Variants in PHF3 observed in about 807,000 individuals in gnomAD.
PHF3 encodes PHD finger protein 3.
A neutral mutation model predicts 178.4 loss-of-function variants in PHF3; 41 were observed. The observed-to-expected ratio is 0.23, with a 90% CI of 0.18 to 0.30. The LOEUF (loss-of-function observed/expected upper bound fraction) is 0.30, where lower values mean the gene tolerates loss of function less well. Among genes scored for constraint, PHF3 ranks in the 10% least tolerant of loss-of-function variants. PHF3 has a pLI of 1.00. For missense variants in PHF3, 2,346 were observed against 2,398.1 expected (o/e 0.98, Z 0.45); for synonymous variants, 842 against 800.5 (o/e 1.05, Z -0.88).
intron 11 of PHF3, among the ~76,000 whole-genome samples, chr6:63,705,215 A>G (rs1314487821): frequency 1.3e-5 from 2 of 152,234 alleles, no homozygotes; most frequent in Non-Finnish European, 2.9e-5. Context: ...CAGAGAATTA[A>G]GAAACCTGTT....
intron 2 of PHF3, among the ~76,000 whole-genome samples, chr6:63,677,260 G>A (rs1456884434): frequency 6.6e-6 from 1 of 152,164 alleles, no homozygotes; most frequent in East Asian, 1.9e-4. Flanking sequence ...GGATAAGTGA[G>A]TGTGAAGGGA....
At chr6:63,643,611 G>A (rs1764666763) in intron 1 of PHF3, among the ~76,000 whole-genome samples, 1 of 152,102 alleles carries the variant, frequency 6.6e-6, no homozygotes, top group South Asian at 2.1e-4. Flanking sequence ...AATGGTAGCT[G>A]CTTAGTAAAC....
chr6:63,644,286 A>T (rs538091705), intron 1 of PHF3, among the ~76,000 whole-genome samples: 1 of 152,164 alleles, frequency 6.6e-6, no homozygotes, highest in African/African-American at 2.4e-5. Context: ...ATTGGATTCC[A>T]GTATGTTCAG....
At chr6:63,655,848 G>T (rs972924313) in intron 2 of PHF3, among the ~76,000 whole-genome samples, 2 of 151,932 alleles carry the variant, frequency 1.3e-5, no homozygotes, top group African/African-American at 4.8e-5. Flanking sequence ...TTGCTATGTT[G>T]CCCAGGCTGG....
rs533571403 is a variant in PHF3, at chr6:63,717,527, T to G, written c.*3819T>G. Among the ~76,000 whole-genome samples the G allele has an allele frequency of 6.7e-6, 1 of 149,090 alleles. No homozygotes were observed. The stretch of plus-strand genomic sequence containing the variant: ...TTCTTTGATTTCTGTTTCACAATTA[T>G]AGTAATATGTAGAGCAAAAAAGTAG... On this transcript the variant is annotated 3_prime_UTR_variant, in exon 16 of 16. Coordinates refer to ENST00000262043, the MANE Select transcript of PHF3 (RefSeq NM_001370348.2).
chr6:63,681,933 G>A (rs1482114316), intron 3 of PHF3, among the ~76,000 whole-genome samples: 2 of 152,028 alleles, frequency 1.3e-5, no homozygotes, highest in Non-Finnish European at 2.9e-5. Context: ...TTGTTTGGCA[G>A]AACCCTTCCT....
chr6:63,719,472 G>A lies in PHF3; in HGVS notation c.*5764G>A, dbSNP rs759975167. Among the ~76,000 whole-genome samples, 7 of 152,006 alleles carry A rather than the reference G, an allele frequency of 4.6e-5. No individual in the cohort carries two copies. Among genetic ancestry groups the A allele is most frequent in the Non-Finnish European group, 1.0e-4 (7 of 67,932 alleles). ...CCAAGTCAGTCATATGTTGCCGGTTGCCAAGTGGCAAAATTATCACAGATA... is the reference window on the plus strand; with the variant it reads ...CCAAGTCAGTCATATGTTGCCGGTTACCAAGTGGCAAAATTATCACAGATA... On this transcript the variant is annotated 3_prime_UTR_variant, in exon 16 of 16. Coordinates refer to ENST00000262043, the MANE Select transcript of PHF3 (RefSeq NM_001370348.2).
intron 6 of PHF3, among the ~76,000 whole-genome samples, chr6:63,697,665 GTCTAA>G (rs1284982225): frequency 6.6e-6 from 1 of 152,136 alleles, no homozygotes; most frequent in Non-Finnish European, 1.5e-5. Flanking sequence ...GTATTAGACT[GTCTAA>G]TCTAAGTTTA....
chr6:63,717,730 T>C lies in PHF3; in HGVS notation c.*4022T>C, dbSNP rs749361482. On this transcript the variant is annotated 3_prime_UTR_variant, in exon 16 of 16. Transcript: ENST00000262043. ...CCAAAATACTTTTTCTATGAAATAA[T>C]TCAGTGTGTGCATGTCCATGTGTGT... Among the ~76,000 whole-genome samples, 7 of 152,020 alleles carry C rather than the reference T, an allele frequency of 4.6e-5. No homozygotes were observed. Among genetic ancestry groups the C allele is most frequent in the Non-Finnish European group, 1.5e-5 (1 of 67,950 alleles).
intron 2 of PHF3, among the ~76,000 whole-genome samples, chr6:63,670,093 T>G (rs1403143962): frequency 6.6e-6 from 1 of 152,070 alleles, no homozygotes; most frequent in Non-Finnish European, 1.5e-5. Flanking sequence ...GCATACACCC[T>G]GAAAAATGCT....
At position 63,713,724 on chromosome 6, in the gene PHF3, T is replaced by G. The variant is rs979890506; in HGVS notation, c.*16T>G. On this transcript the variant is annotated 3_prime_UTR_variant, in exon 16 of 16. Transcript: ENST00000262043. The stretch of plus-strand genomic sequence containing the variant: ...CAAAAGGTAAAATTTGCAGGCTGCT[T>G]CAGGATTACATTTAAATAACTGTTA... 1 of 1,526,082 alleles carries G rather than the reference T, an allele frequency of 6.6e-7. No homozygotes were observed. The highest frequency in any genetic ancestry group is 8.8e-7 in the Non-Finnish European group (1 of 1,140,664). 94.5% of individuals were successfully genotyped at this position (1,526,082 alleles called of 1,614,324 possible). A position where few individuals can be genotyped will look rare whatever the true frequency, so the allele number is the denominator to read the frequency against.
At position 63,721,389 on chromosome 6, in the gene PHF3, T is replaced by C. The variant is rs543607208; in HGVS notation, c.*7681T>C. 6.4e-7 allele frequency: 1 copy of C among 1,551,752 alleles called. No individual in the cohort carries two copies. Among genetic ancestry groups the C allele is most frequent in the East Asian group, 2.4e-5 (1 of 40,922 alleles). On this transcript the variant is annotated 3_prime_UTR_variant, in exon 16 of 16. Transcript: ENST00000262043. ...TTCACCTCCATTTCTGCATGTGTTG[T>C]ACCCACAGGCTGTCCCATCACAGTC...
chr6:63,660,419 C>T (rs1172956124), intron 2 of PHF3, among the ~76,000 whole-genome samples: 5 of 151,704 alleles, frequency 3.3e-5, no homozygotes, highest in Non-Finnish European at 7.4e-5. Flanking sequence ...TAAACATTAA[C>T]TTGGATAATT....
In PHF3 at chr6:63,712,460, CAT is replaced by C; in HGVS notation, c.4874_4875del (p.Ile1625ArgfsTer3). On this transcript the variant is annotated frameshift_variant, in exon 16 of 16. Transcript: ENST00000262043. LOFTEE classifies it high-confidence loss of function. ...PCRSNVGKGN[I>X]DGNVSCSENL... ...GCAGATCTAATGTAGGAAAAGGAAA[CAT>C]AGATGGTAATGTGAGCTGTAGTGAA... 1.9e-6 allele frequency: 3 copies of C among 1,613,914 alleles called. No individual in the cohort carries two copies. The highest frequency in any genetic ancestry group is 2.5e-6 in the Non-Finnish European group (3 of 1,179,922).
chr6:63,666,920 T>C (rs150879008), intron 2 of PHF3, among the ~76,000 whole-genome samples: 76 of 152,016 alleles, frequency 5.0e-4, no homozygotes, highest in African/African-American at 1.7e-3. Flanking sequence ...CCCAGCTAGT[T>C]TTTGTATTTT....
chr6:63,686,882 C>G (rs1428655906), intron 4 of PHF3, among the ~76,000 whole-genome samples: 5 of 152,048 alleles, frequency 3.3e-5, no homozygotes, highest in Non-Finnish European at 1.5e-5. Context: ...TGTGTTGTAA[C>G]ATATTATTTT....
At chr6:63,639,253 AG>A (rs1764476031) in intron 1 of PHF3, among the ~76,000 whole-genome samples, 1 of 152,182 alleles carries the variant, frequency 6.6e-6, no homozygotes. Flanking sequence ...TTTATTAGAC[AG>A]TTTCGAAGAG....
At chr6:63,662,105 T>G (rs1765493541) in intron 2 of PHF3, among the ~76,000 whole-genome samples, 1 of 152,140 alleles carries the variant, frequency 6.6e-6, no homozygotes, top group East Asian at 1.9e-4. Context: ...GTGCTCTGCT[T>G]ATGAGAATCT....
intron 2 of PHF3, among the ~76,000 whole-genome samples, chr6:63,661,627 G>A (rs1765469020): frequency 6.6e-6 from 1 of 152,106 alleles, no homozygotes; most frequent in Non-Finnish European, 1.5e-5. Flanking sequence ...ATCATGGTCT[G>A]ACTGATCCAA....
Sources: gnomAD v4.1 joint callset for allele counts (sites outside exome capture counted in the v4.1 genomes callset) on GRCh38, gnomAD v4.1.1 for gene constraint, MANE v1.5 for transcripts, NCBI Gene and HGNC (gene_info 2026-07-23, HGNC 2026-07-21) for gene names.